The following UNC79 variants were observed in gnomAD, a reference collection of about 807,000 sequenced individuals.
UNC79 encodes unc-79 subunit of NALCN channel complex.
A neutral mutation model predicts 283.1 loss-of-function variants in UNC79; 37 were observed. That is an observed-to-expected ratio of 0.13 (90% confidence interval 0.10 to 0.17). The LOEUF is 0.17. Ranked by LOEUF, UNC79 falls within the 10% of genes least tolerant of loss-of-function variation. The pLI, the probability that UNC79 is intolerant of heterozygous loss-of-function variation, is 1.00. For missense variants in UNC79, 2,272 were observed against 3,211.1 expected, an observed-to-expected ratio of 0.71 and a Z score of 7.07; for synonymous variants, 1,107 against 1,200.2, an observed-to-expected ratio of 0.92 and a Z score of 1.61.
At chr14:93,601,260 C>CT in intron 25 of UNC79, among the ~76,000 whole-genome samples, 1 of 147,774 alleles carries the variant, frequency 6.8e-6, no homozygotes, top group East Asian at 2.1e-4. Flanking sequence ...CCCTTCCACC[C>CT]TTCCCCCCAA....
At chr14:93,343,379 T>C (rs778459432) in intron 1 of UNC79, among the ~76,000 whole-genome samples, 1 of 152,240 alleles carries the variant, frequency 6.6e-6, no homozygotes, top group Non-Finnish European at 1.5e-5. Context: ...AGTGTGTTAC[T>C]GATGTTGCCA....
At chr14:93,566,388 A>G (rs577308755) in intron 14 of UNC79, among the ~76,000 whole-genome samples, 18 of 152,220 alleles carry the variant, frequency 1.2e-4, no homozygotes, top group African/African-American at 3.6e-4. Context: ...ATTGGTAGGG[A>G]TTGTTTTATT....
intron 29 of UNC79, among the ~76,000 whole-genome samples, chr14:93,620,619 A>G (rs1431561199): frequency 1.3e-5 from 2 of 152,188 alleles, no homozygotes; most frequent in African/African-American, 4.8e-5. Flanking sequence ...AAAGTTTCCC[A>G]AAAAGGCGCT....
chr14:93,525,979 T>C (rs988244670), intron 8 of UNC79, among the ~76,000 whole-genome samples: 11 of 152,160 alleles, frequency 7.2e-5, no homozygotes, highest in Non-Finnish European at 1.3e-4. Context: ...CCATCCACTT[T>C]CTGTCATTTT....
chr14:93,624,050 C>T (rs377662192), intron 30 of UNC79, among the ~76,000 whole-genome samples: 13 of 152,124 alleles, frequency 8.5e-5, no homozygotes, highest in African/African-American at 2.7e-4. Flanking sequence ...AGGAAGATAC[C>T]GAGGCTTAGA....
At chr14:93,605,311 G>A (rs1379910183) in intron 26 of UNC79, among the ~76,000 whole-genome samples, 1 of 152,012 alleles carries the variant, frequency 6.6e-6, no homozygotes, top group African/African-American at 2.4e-5. Context: ...ATCTGCTATA[G>A]GAAAACCATA....
At chr14:93,333,670 G>T (rs749854812) in intron 1 of UNC79, 7 of 379,084 alleles carry the variant, frequency 1.8e-5, no homozygotes, top group Non-Finnish European at 3.3e-5. Flanking sequence ...ACACACAGTC[G>T]CCACGTGGGA....
chr14:93,391,757 T>C (rs2054888063), intron 1 of UNC79, among the ~76,000 whole-genome samples: 1 of 152,182 alleles, frequency 6.6e-6, no homozygotes, highest in African/African-American at 2.4e-5. Flanking sequence ...ACATGAAGTA[T>C]TCCTTCATAT....
chr14:93,394,586 T>C (rs933101962), intron 1 of UNC79, among the ~76,000 whole-genome samples: 3 of 152,016 alleles, frequency 2.0e-5, no homozygotes, highest in African/African-American at 4.8e-5. Context: ...AATTTTTGTA[T>C]TTTTAGTAGA....
At chr14:93,612,707 C>T in intron 26 of UNC79, 90 bp from the exon 28 acceptor site, 1 of 1,508,208 alleles carries the variant, frequency 6.6e-7, no homozygotes. Flanking sequence ...GACGCAGAAA[C>T]AAGGGTGCCT....
At chr14:93,477,189 AT>A (rs2057852796) in intron 3 of UNC79, among the ~76,000 whole-genome samples, 1 of 152,128 alleles carries the variant, frequency 6.6e-6, no homozygotes, top group South Asian at 2.1e-4. Flanking sequence ...GCCCGGTTTT[AT>A]TTCTGATACT....
At chr14:93,491,091 T>A (rs2140506230) in intron 5 of UNC79, among the ~76,000 whole-genome samples, 1 of 152,322 alleles carries the variant, frequency 6.6e-6, no homozygotes, top group Admixed American at 6.5e-5. Context: ...CATGAATGGC[T>A]GTCGTTCTGC....
At chr14:93,475,066 C>T (rs1169489238) in intron 3 of UNC79, among the ~76,000 whole-genome samples, 1 of 152,156 alleles carries the variant, frequency 6.6e-6, no homozygotes, top group African/African-American at 2.4e-5. Context: ...TAAGAGCCTG[C>T]TTCTTTTCTT....
intron 1 of UNC79, among the ~76,000 whole-genome samples, chr14:93,344,681 T>C (rs1032302915): frequency 6.6e-6 from 1 of 152,220 alleles, no homozygotes; most frequent in African/African-American, 2.4e-5. Context: ...AACAGAGCAA[T>C]GTTGCACTAA....
intron 47 of UNC79, among the ~76,000 whole-genome samples, chr14:93,701,860 T>C (rs1251475191): frequency 6.6e-6 from 1 of 152,218 alleles, no homozygotes; most frequent in African/African-American, 2.4e-5. Flanking sequence ...AAAACACTTT[T>C]AGACCAACAT....
At chr14:93,453,632 T>G (rs976512382) in intron 1 of UNC79, among the ~76,000 whole-genome samples, 3 of 152,240 alleles carry the variant, frequency 2.0e-5, no homozygotes, top group Admixed American at 2.0e-4. Flanking sequence ...AAGTCGCTCT[T>G]TCAGTGGGAT....
At chr14:93,609,959 C>A (rs139442584) in intron 26 of UNC79, among the ~76,000 whole-genome samples, 159 of 152,132 alleles carry the variant, frequency 1.0e-3, no homozygotes, top group African/African-American at 3.6e-3. Context: ...TTTTTCAGTA[C>A]ATTTGTTAAA....
chr14:93,646,674 C>G (rs1400091096), intron 35 of UNC79, 28 bp downstream of exon 38: 1 of 1,612,690 alleles, frequency 6.2e-7, no homozygotes. Context: ...GCCCAGATCT[C>G]ACTTTCTTTT....
chr14:93,544,849 G>C (rs2141229391), intron 14 of UNC79, among the ~76,000 whole-genome samples: 1 of 152,310 alleles, frequency 6.6e-6, no homozygotes, highest in South Asian at 2.1e-4. Flanking sequence ...GAGAACATCG[G>C]TGTCACAGTT....
Sources: allele counts gnomAD v4.1 joint callset (sites outside exome capture counted in the v4.1 genomes callset), GRCh38; gene constraint gnomAD v4.1.1; transcripts MANE v1.5; gene names NCBI Gene and HGNC (gene_info 2026-07-23, HGNC 2026-07-21).